SMG5: variants seen among roughly 807,000 people sequenced by gnomAD.
SMG5 encodes the protein SMG5 nonsense mediated mRNA decay factor, also known as nonsense-mediated mRNA decay factor SMG5.
A neutral mutation model predicts 122.9 loss-of-function variants in SMG5; 53 were observed. The ratio of observed to expected loss-of-function variants is 0.43; its 90% CI spans 0.35 to 0.54. SMG5 has a LOEUF of 0.54. SMG5 is among the 20% of genes least tolerant of loss of function. The pLI, the probability that SMG5 is intolerant of heterozygous loss-of-function variation, is 0.01. For synonymous variants in SMG5, 477 were observed against 490.2 expected, an observed-to-expected ratio of 0.97 and a Z score of 0.35; for missense variants, 1,153 against 1,285.6, an observed-to-expected ratio of 0.90 and a Z score of 1.58.
In SMG5 at chr1:156,266,286, GCT is replaced by G; in HGVS notation, c.1348_1349del (p.Ser450ProfsTer2). The G allele has an allele frequency of 1.2e-6, 2 of 1,614,198 alleles. No homozygotes were observed. The highest frequency in any genetic ancestry group is 1.7e-6 in the Non-Finnish European group (2 of 1,180,034). ...GACAGGAGAGGCGAGAGAACTTACG[GCT>G]CTTTCTGCCCTCACCCACTTGGGGT... ...VTPQVGEGRK[S>X]RKFSRLSCLR... On this transcript the variant is annotated frameshift_variant, in exon 12 of 22. Transcript: ENST00000361813. LOFTEE classifies it high-confidence loss of function.
upstream of SMG5, among the ~76,000 whole-genome samples, chr1:156,283,233 T>A (rs1663049894): frequency 1.3e-5 from 2 of 152,168 alleles, no homozygotes; most frequent in Admixed American, 1.3e-4. Context: ...AAAAAGTGCA[T>A]GTGAAAGTTT....
intron 20 of SMG5, 81 bp from the exon 21 acceptor site, chr1:156,251,077 G>C: frequency 6.5e-7 from 1 of 1,541,922 alleles, no homozygotes; most frequent in Admixed American, 1.8e-5. Context: ...CAGGGGACAG[G>C]GGCAGCTGGG....
At chr1:156,286,163 C>A, upstream of SMG5, 1 of 1,379,948 alleles carries the variant, frequency 7.2e-7, no homozygotes, top group Non-Finnish European at 1.0e-6. Flanking sequence ...TGTGTAGAGC[C>A]CATGCACTGC....
At chr1:156,254,731 C>G (rs912024406) in intron 16 of SMG5, among the ~76,000 whole-genome samples, 2 of 152,102 alleles carry the variant, frequency 1.3e-5, no homozygotes, top group Non-Finnish European at 2.9e-5. Flanking sequence ...TGGTGCGAGC[C>G]ACAGCGCCCA....
In SMG5 at chr1:156,250,123, G is replaced by T; in HGVS notation, c.*464C>A. On this transcript the variant is annotated 3_prime_UTR_variant, in exon 22 of 22. Transcript: ENST00000361813. ...CTTGAGGAGGGGAAGGGTCTGCAGA[G>T]AATCACTCAGACACCAGGTATTACC... The T allele has an allele frequency of 2.8e-6, 1 of 362,176 alleles. No individual in the cohort carries two copies. The allele number at this position is 362,176 out of a possible 1,614,324, so 22.4% of individuals were successfully genotyped here.
At chr1:156,255,214 GC>G (rs1661525596) in intron 16 of SMG5, among the ~76,000 whole-genome samples, 1 of 151,378 alleles carries the variant, frequency 6.6e-6, no homozygotes, top group Admixed American at 6.6e-5. Flanking sequence ...GACCAGCCTG[GC>G]CAACATGGTG....
rs567449956 is a variant in SMG5, at chr1:156,268,280, C to T, written c.839+10G>A. On this transcript the variant is annotated intron_variant, in intron 8 of 21. Transcript: ENST00000361813. ...AGAAAAAACCCGTCCTCCTCACAGG[C>T]CCCACTCACCGCTTTTTGCCAGGAG... The T allele has an allele frequency of 9.4e-5, 152 of 1,614,170 alleles. No individual in the cohort carries two copies. The East Asian group carries it at 2.9e-3, about 30-fold the overall frequency.
At position 156,282,783 on chromosome 1, in the gene SMG5, G is replaced by A. The variant is rs968795717; in HGVS notation, c.-103C>T. The A allele has an allele frequency of 6.4e-6, 8 of 1,254,064 alleles. No individual in the cohort carries two copies. Among genetic ancestry groups the A allele is most frequent in the Admixed American group, 5.4e-5 (2 of 37,162 alleles). 77.7% of individuals were successfully genotyped at this position (1,254,064 alleles called of 1,614,324 possible). On this transcript the variant is annotated 5_prime_UTR_variant, in exon 1 of 22. Coordinates refer to ENST00000361813, the MANE Select transcript of SMG5 (RefSeq NM_015327.3). The stretch of plus-strand genomic sequence containing the variant: ...CGTAGCCGCAGCCGCCGCCGCCACC[G>A]GCCCTGCTCGGCCGCCATCGCTGTG...
upstream of SMG5, chr1:156,285,891 T>C (rs1310074672): frequency 6.2e-7 from 1 of 1,613,930 alleles, no homozygotes; most frequent in East Asian, 2.2e-5. Flanking sequence ...TATGCCTTCC[T>C]GCCGTTTGAT....
chr1:156,258,809 AC>A (rs1661687736), intron 16 of SMG5, among the ~76,000 whole-genome samples, 195 bp downstream of exon 16: 1 of 149,294 alleles, frequency 6.7e-6, no homozygotes, highest in African/African-American at 2.5e-5. Flanking sequence ...AAAAAAAAAA[AC>A]CCCTCTCAGT....
Position 156,253,512 on chromosome 1 carries a change from T to A in SMG5, c.2443-4A>T. On this transcript the variant is annotated splice_polypyrimidine_tract_variant and splice_region_variant and intron_variant, in intron 16 of 21. Coordinates refer to ENST00000361813, the MANE Select transcript of SMG5 (RefSeq NM_015327.3). ...TCCGACGAGCTTCCTCCTGTGCCTA[T>A]GAGGGAAAAAATGAGCTGTAAGGAG... 6.2e-7 allele frequency: 1 copy of A among 1,614,034 alleles called. No individual in the cohort carries two copies. The highest frequency in any genetic ancestry group is 1.1e-5 in the South Asian group (1 of 91,076).
chr1:156,285,058 C>G (rs890981999), upstream of SMG5: 2 of 671,156 alleles, frequency 3.0e-6, no homozygotes, highest in African/African-American at 3.7e-5. Flanking sequence ...ACCACGTTCT[C>G]CCTAAGGCTC....
At chr1:156,291,375 G>A in the SMG5 span, 10 of 1,612,592 alleles carry the variant, frequency 6.2e-6, no homozygotes, top group Non-Finnish European at 8.5e-6. Context: ...CCCTTTTCTT[G>A]CCCCCATAGG....
chr1:156,251,494 C>A lies in SMG5; in HGVS notation c.2754-17G>T. The A allele has an allele frequency of 6.2e-7, 1 of 1,613,444 alleles. No individual in the cohort carries two copies. Among genetic ancestry groups the A allele is most frequent in the Non-Finnish European group, 8.5e-7 (1 of 1,179,804 alleles). On this transcript the variant is annotated splice_polypyrimidine_tract_variant and intron_variant, in intron 19 of 21. Coordinates refer to ENST00000361813, the MANE Select transcript of SMG5 (RefSeq NM_015327.3). The stretch of plus-strand genomic sequence containing the variant: ...CGAATGTACCTGCAGAGGAGATGTG[C>A]GAGTGGAGGTCAGGAGCAGGAGACT...
chr1:156,261,419 AGAAG>A lies in SMG5; in HGVS notation c.2032-15_2032-12del. 6.2e-7 allele frequency: 1 copy of A among 1,613,160 alleles called. No homozygotes were observed. Among genetic ancestry groups the A allele is most frequent in the Non-Finnish European group, 8.5e-7 (1 of 1,179,228 alleles). On this transcript the variant is annotated splice_polypyrimidine_tract_variant and intron_variant, in intron 13 of 21. Transcript: ENST00000361813. ...CAGACTTTGAGAGCTCTGGGGAGAGAGAAGGGAGAGGAGGCCTTCAGCTAGAGAC... is the reference window on the plus strand; with the variant it reads ...CAGACTTTGAGAGCTCTGGGGAGAGAGGAGAGGAGGCCTTCAGCTAGAGAC...
intron 4 of SMG5, 119 bp downstream of exon 4, chr1:156,276,966 G>A (rs563123770): frequency 8.4e-6 from 8 of 947,398 alleles, no homozygotes; most frequent in Non-Finnish European, 1.3e-5. Flanking sequence ...CCATTTGTAT[G>A]TAGTTCTGCT....
chr1:156,273,813 C>T (rs1313759749), intron 5 of SMG5, among the ~76,000 whole-genome samples: 1 of 150,874 alleles, frequency 6.6e-6, no homozygotes, highest in Non-Finnish European at 1.5e-5. Flanking sequence ...CCTCAGCCTC[C>T]CAAGTAGCTG....
At chr1:156,283,227 A>AG (rs1252555905), upstream of SMG5, among the ~76,000 whole-genome samples, 1 of 152,202 alleles carries the variant, frequency 6.6e-6, no homozygotes, top group Non-Finnish European at 1.5e-5. Context: ...ACAAACAAAA[A>AG]GTGCATGTGA....
chr1:156,259,213 C>T (rs772011137), intron 15 of SMG5, 50 bp from the exon 16 acceptor site: 1 of 1,499,452 alleles, frequency 6.7e-7, no homozygotes, highest in East Asian at 2.4e-5. Context: ...CCCTCTAGAC[C>T]CACCCTGCCC....
Sources: gnomAD v4.1 joint callset for allele counts (sites outside exome capture counted in the v4.1 genomes callset) on GRCh38, gnomAD v4.1.1 for gene constraint, MANE v1.5 for transcripts, NCBI Gene and HGNC (gene_info 2026-07-23, HGNC 2026-07-21) for gene names.